Variants in OSTN observed in about 807,000 individuals in gnomAD.
OSTN encodes the protein osteocrin.
A neutral mutation model predicts 12.0 loss-of-function variants in OSTN; 9 were observed. The observed-to-expected ratio is 0.75, with a 90% CI of 0.45 to 1.30. The LOEUF is 1.30. OSTN is among the 50% of genes most tolerant of loss of function. The probability of loss-of-function intolerance (pLI) is 0.00; values close to 1 mark genes in which losing one functional copy is unlikely to be tolerated. For synonymous variants in OSTN, 59 were observed against 56.9 expected (o/e 1.04, Z -0.16); for missense variants, 148 against 152.3 (o/e 0.97, Z 0.15).
intron 3 of OSTN, among the ~76,000 whole-genome samples, chr3:191,249,336 T>C (rs1194351311): frequency 6.6e-6 from 1 of 152,170 alleles, no homozygotes; most frequent in African/African-American, 2.4e-5. Flanking sequence ...AATTGAAAAG[T>C]TTCTAAAATG....
In OSTN at chr3:191,249,132, CAGTTACCTTTTCTGTGAGAT is replaced by C. The variant is rs561151776; in HGVS notation, c.318-903_318-884del. 2.6e-3 allele frequency among the ~76,000 whole-genome samples: 401 copies of C among 152,178 alleles called. 3 individuals are homozygous for C. The highest frequency in any genetic ancestry group is 9.0e-3 in the African/African-American group (372 of 41,502). On this transcript the variant is annotated intron_variant, in intron 3 of 4. Coordinates refer to ENST00000682035, the MANE Select transcript of OSTN (RefSeq NM_198184.2). ...CAATAAGCCTCACAATTTTATAAGC[CAGTTACCTTTTCTGTGAGAT>C]AAATCACTGATTTACATAGGCTTCT...
At chr3:191,225,985 T>A (rs9838573) in intron 3 of OSTN, among the ~76,000 whole-genome samples, 31,279 of 152,096 alleles carry the variant, frequency 0.21, 3,772 homozygotes, top group Middle Eastern at 0.44. Flanking sequence ...AAATATTTTT[T>A]AAAAATACTT....
At chr3:191,213,365 C>T (rs1383218048) in intron 2 of OSTN, 2 of 152,128 alleles carry the variant, frequency 1.3e-5, no homozygotes, top group Non-Finnish European at 2.9e-5. Flanking sequence ...GCAGTAATCA[C>T]GATCTTCTCC....
intron 1 of OSTN, among the ~76,000 whole-genome samples, chr3:191,204,380 T>C (rs1291598735): frequency 6.6e-6 from 1 of 152,170 alleles, no homozygotes; most frequent in African/African-American, 2.4e-5. Flanking sequence ...TTTATGAGGA[T>C]AATATAGATG....
chr3:191,210,231 G>A (rs867111893), intron 1 of OSTN, among the ~76,000 whole-genome samples: 3 of 152,158 alleles, frequency 2.0e-5, no homozygotes, highest in African/African-American at 7.2e-5. Flanking sequence ...CAGCACCAAA[G>A]GGAAAATCTG....
At chr3:191,207,610 C>A (rs1308715826) in intron 1 of OSTN, among the ~76,000 whole-genome samples, 1 of 152,048 alleles carries the variant, frequency 6.6e-6, no homozygotes, top group East Asian at 1.9e-4. Context: ...ACTTTTTTCA[C>A]AATAAAAATA....
chr3:191,230,253 T>C (rs1039178006), intron 3 of OSTN, among the ~76,000 whole-genome samples: 5 of 151,716 alleles, frequency 3.3e-5, no homozygotes, highest in Non-Finnish European at 5.9e-5. Flanking sequence ...GGGAGATGGC[T>C]TAGGGGCTTA....
At chr3:191,254,844 C>A (rs1380081219) in intron 4 of OSTN, among the ~76,000 whole-genome samples, 6 of 152,126 alleles carry the variant, frequency 3.9e-5, no homozygotes, top group Non-Finnish European at 8.8e-5. Flanking sequence ...TATAAGGAAT[C>A]TCAGATTAGA....
At position 191,250,743 on chromosome 3, in the gene OSTN, T is replaced by A. The variant is rs151029127; in HGVS notation, c.*12+610T>A. Among the ~76,000 whole-genome samples, 4 of 152,308 alleles carry A rather than the reference T, an allele frequency of 2.6e-5. No homozygotes were observed. The East Asian group carries it at 7.7e-4, about 29-fold the overall frequency. ...TGAAGATTACATTAGATGTTTGTAG[T>A]GGGCCTACAATATATTGGATACACA... On this transcript the variant is annotated intron_variant, in intron 4 of 4. Transcript: ENST00000682035.
chr3:191,257,600 G>T (rs1715701367), intron 4 of OSTN, among the ~76,000 whole-genome samples: 1 of 152,102 alleles, frequency 6.6e-6, no homozygotes, highest in African/African-American at 2.4e-5. Flanking sequence ...TGAATCGAAA[G>T]GCTGTAATCA....
chr3:191,234,701 A>G (rs950083368), intron 3 of OSTN: 2 of 151,096 alleles, frequency 1.3e-5, no homozygotes, highest in Non-Finnish European at 2.9e-5. Flanking sequence ...CATCTGAAAA[A>G]AAAAAAAAAA....
At chr3:191,253,825 C>T (rs933315315) in intron 4 of OSTN, among the ~76,000 whole-genome samples, 17 of 152,192 alleles carry the variant, frequency 1.1e-4, no homozygotes, top group African/African-American at 3.1e-4. Flanking sequence ...ACAGAAGACA[C>T]ATTTTCAGGA....
intron 4 of OSTN, among the ~76,000 whole-genome samples, 179 bp downstream of exon 4, chr3:191,250,312 G>A (rs531630036): frequency 7.2e-4 from 110 of 152,162 alleles, no homozygotes; most frequent in African/African-American, 2.5e-3. Context: ...TAACTTAAAT[G>A]ATATTTAAAA....
chr3:191,244,330 T>C (rs1715384325), intron 3 of OSTN, among the ~76,000 whole-genome samples: 1 of 151,938 alleles, frequency 6.6e-6, no homozygotes, highest in South Asian at 2.1e-4. Context: ...TGTGATTGTA[T>C]TAAATTGATA....
intron 3 of OSTN, among the ~76,000 whole-genome samples, chr3:191,248,787 G>T (rs924855978): frequency 5.9e-5 from 9 of 152,056 alleles, no homozygotes; most frequent in African/African-American, 2.2e-4. Flanking sequence ...TTTCTGCAAA[G>T]AATTCAAAAA....
chr3:191,206,001 A>G (rs775458958), intron 1 of OSTN, among the ~76,000 whole-genome samples: 1 of 152,166 alleles, frequency 6.6e-6, no homozygotes, highest in African/African-American at 2.4e-5. Context: ...CCTGGCCAAC[A>G]TGGCGAAACC....
chr3:191,223,749 G>GA (rs900899451), intron 3 of OSTN, among the ~76,000 whole-genome samples: 5 of 151,680 alleles, frequency 3.3e-5, no homozygotes, highest in Non-Finnish European at 7.4e-5. Flanking sequence ...ATTTCTCTAT[G>GA]AAAAAAAGCA....
intron 1 of OSTN, among the ~76,000 whole-genome samples, chr3:191,200,079 C>T (rs1443520965): frequency 1.3e-5 from 2 of 152,094 alleles, no homozygotes; most frequent in African/African-American, 2.4e-5. Context: ...AGTTTTCCTT[C>T]TAAAAATTTA....
chr3:191,211,889 G>GTA lies in OSTN; in HGVS notation c.1-638_1-637dup, dbSNP rs1180042789. On this transcript the variant is annotated intron_variant, in intron 1 of 4. Coordinates refer to ENST00000682035, the MANE Select transcript of OSTN (RefSeq NM_198184.2). Reference sequence around the variant, plus strand: ...TTCCAAATGCTGATCTTTCTTTTATGTATATATTGTACATATCATGTATAT... The same window carrying GTA: ...TTCCAAATGCTGATCTTTCTTTTATGTATATATATTGTACATATCATGTATAT... Among the ~76,000 whole-genome samples, 5 of 151,776 alleles carry GTA rather than the reference G, an allele frequency of 3.3e-5. No homozygotes were observed. In the East Asian group the frequency reaches 9.6e-4, roughly 29 times the overall value.
Sources: gnomAD v4.1 joint callset for allele counts (sites outside exome capture counted in the v4.1 genomes callset) on GRCh38, gnomAD v4.1.1 for gene constraint, MANE v1.5 for transcripts, NCBI Gene and HGNC (gene_info 2026-07-23, HGNC 2026-07-21) for gene names.